The following CPN1 variants were observed in gnomAD, a reference collection of about 807,000 sequenced individuals.
CPN1 encodes carboxypeptidase N catalytic chain.
CPN1 carries 37 observed loss-of-function variants against 46.4 expected under a neutral mutation model. That is an observed-to-expected ratio of 0.80 (90% CI 0.61 to 1.05). The LOEUF (loss-of-function observed/expected upper bound fraction) is 1.05. Among genes scored for constraint, CPN1 ranks in the 50% least tolerant of loss-of-function variants. The pLI, the probability that CPN1 is intolerant of heterozygous loss-of-function variation, is 0.00. For synonymous variants in CPN1, 224 were observed against 235.4 expected (o/e 0.95, Z 0.44); for missense variants, 563 against 602.6 (o/e 0.93, Z 0.69).
At chr10:100,058,438 G>A (rs1223561818) in intron 5 of CPN1, among the ~76,000 whole-genome samples, 1 of 152,112 alleles carries the variant, frequency 6.6e-6, no homozygotes, top group Non-Finnish European at 1.5e-5. Flanking sequence ...AGAAGCAGAA[G>A]ACAGCTATAT....
At chr10:100,054,288 T>C (rs2041372591) in intron 7 of CPN1, 59 bp downstream of exon 7, 2 of 1,363,844 alleles carry the variant, frequency 1.5e-6, no homozygotes, top group South Asian at 2.3e-5. Context: ...CCCTTGATTA[T>C]GCTGAAGAAG....
At chr10:100,051,903 T>A (rs1322956000) in intron 7 of CPN1, among the ~76,000 whole-genome samples, 1 of 151,610 alleles carries the variant, frequency 6.6e-6, no homozygotes, top group Non-Finnish European at 1.5e-5. Flanking sequence ...TTAATATGTT[T>A]TGTTTTTATT....
At chr10:100,071,306 T>C (rs1413550527) in intron 2 of CPN1, among the ~76,000 whole-genome samples, 1 of 152,162 alleles carries the variant, frequency 6.6e-6, no homozygotes, top group African/African-American at 2.4e-5. Context: ...ATTTATTCTC[T>C]GGAGGCTAGA....
chr10:100,064,357 ATATAT>A (rs1411363325), intron 4 of CPN1, among the ~76,000 whole-genome samples: 47 of 148,690 alleles, frequency 3.2e-4, no homozygotes, highest in African/African-American at 1.0e-3. Context: ...AATTATATAG[ATATAT>A]TATATATTAA....
chr10:100,062,707 C>T (rs1413467329), intron 5 of CPN1, among the ~76,000 whole-genome samples: 1 of 151,506 alleles, frequency 6.6e-6, no homozygotes, highest in East Asian at 1.9e-4. Flanking sequence ...GATCCTCCCA[C>T]CTCAGCCTCC....
intron 8 of CPN1, among the ~76,000 whole-genome samples, chr10:100,043,147 G>A (rs1239898443): frequency 6.8e-6 from 1 of 147,920 alleles, no homozygotes; most frequent in Middle Eastern, 3.3e-3. Flanking sequence ...TGTAATCCTT[G>A]CACTTTAGGA....
intron 1 of CPN1, among the ~76,000 whole-genome samples, chr10:100,081,003 T>C (rs1438646694): frequency 1.3e-5 from 2 of 152,182 alleles, no homozygotes; most frequent in African/African-American, 4.8e-5. Context: ...CCTATACCCT[T>C]CTAAGTTTCC....
chr10:100,056,325 C>T lies in CPN1; in HGVS notation c.1011+688G>A, dbSNP rs541221427. 2.6e-5 allele frequency among the ~76,000 whole-genome samples: 4 copies of T among 152,238 alleles called. No homozygotes were observed. In the East Asian group the frequency reaches 7.7e-4, roughly 29 times the overall value. On this transcript the variant is annotated intron_variant, in intron 6 of 8. Coordinates refer to ENST00000370418, the MANE Select transcript of CPN1 (RefSeq NM_001308.3). ...CCATTTCAAGGAACCCTTTTGTCCC[C>T]TAGATATCTGCATGTTTCTGTCCCT... is the stretch of plus-strand genomic sequence containing the variant.
chr10:100,077,707 G>T (rs765891661), intron 1 of CPN1, among the ~76,000 whole-genome samples: 17 of 152,118 alleles, frequency 1.1e-4, no homozygotes, highest in Middle Eastern at 3.4e-3. Context: ...TTTCCATAGC[G>T]AGTATTCTTT....
chr10:100,077,392 G>C (rs1235079565), intron 1 of CPN1, among the ~76,000 whole-genome samples: 1 of 151,786 alleles, frequency 6.6e-6, no homozygotes, highest in Admixed American at 6.6e-5. Context: ...CACCACACTT[G>C]GCTGATTTTT....
chr10:100,056,788 G>A (rs2041386567), intron 6 of CPN1, among the ~76,000 whole-genome samples: 1 of 151,546 alleles, frequency 6.6e-6, no homozygotes, highest in Non-Finnish European at 1.5e-5. Context: ...CTGAGCCCAA[G>A]TGATCCTCCC....
intron 7 of CPN1, among the ~76,000 whole-genome samples, chr10:100,054,117 T>C (rs761514644): frequency 3.9e-5 from 6 of 152,218 alleles, no homozygotes; most frequent in Admixed American, 6.5e-5. Flanking sequence ...CTCTCAGGGA[T>C]TGCTTGCATC....
At chr10:100,061,744 A>G (rs565473557) in intron 5 of CPN1, among the ~76,000 whole-genome samples, 1 of 152,358 alleles carries the variant, frequency 6.6e-6, no homozygotes, top group East Asian at 1.9e-4. Context: ...GAAAAAGTAT[A>G]TTGGTTATTT....
chr10:100,054,123 G>A lies in CPN1; in HGVS notation c.1111+224C>T, dbSNP rs144489904. 2.9e-4 allele frequency among the ~76,000 whole-genome samples: 44 copies of A among 152,298 alleles called. No individual in the cohort carries two copies. The East Asian group carries it at 4.2e-3, about 15-fold the overall frequency. On this transcript the variant is annotated intron_variant, in intron 7 of 8. Coordinates refer to ENST00000370418, the MANE Select transcript of CPN1 (RefSeq NM_001308.3). ...GGTCCTGACCTCTCAGGGATTGCTTGCATCAGAAGCAAAAGATTTTCCATT... is the reference window on the plus strand; with the variant it reads ...GGTCCTGACCTCTCAGGGATTGCTTACATCAGAAGCAAAAGATTTTCCATT...
rs370836779 is a variant in CPN1 at position 100,075,922 on chromosome 10, C to A, written c.409G>T (p.Ala137Ser). The A allele has an allele frequency of 2.5e-6, 4 of 1,614,016 alleles. No homozygotes were observed. The highest frequency in any genetic ancestry group is 1.7e-5 in the Admixed American group (1 of 60,028). The change falls in exon 2 of 9, where the codon GCT becomes TCT. Residue 137 changes from alanine to serine, a missense_variant. Physicochemically the swap from Ala to Ser is moderately conservative, Grantham distance 99 (BLOSUM62 1). Transcript: ENST00000370418. Reference sequence around the variant, plus strand: ...CTTGGACCTCGTACCTGGGCAGCAGCCACCTCGTAGCCGTCGGGGTTCATG... The same window carrying A: ...CTTGGACCTCGTACCTGGGCAGCAGACACCTCGTAGCCGTCGGGGTTCATG... ...PSMNPDGYEVAAAQGPNKPGY... is the reference protein window; with the variant it reads ...PSMNPDGYEVSAAQGPNKPGY...
At chr10:100,071,802 T>C (rs1291463650) in intron 2 of CPN1, among the ~76,000 whole-genome samples, 1 of 152,228 alleles carries the variant, frequency 6.6e-6, no homozygotes, top group Non-Finnish European at 1.5e-5. Flanking sequence ...ATTTAAAGTA[T>C]ACAGGAGGAT....
At chr10:100,052,912 G>C (rs2041364066) in intron 7 of CPN1, among the ~76,000 whole-genome samples, 1 of 152,014 alleles carries the variant, frequency 6.6e-6, no homozygotes, top group Admixed American at 6.6e-5. Context: ...CAGAAGAATT[G>C]CTTGAGTTTG....
chr10:100,046,989 G>T (rs1286530797), intron 8 of CPN1, among the ~76,000 whole-genome samples: 1 of 151,724 alleles, frequency 6.6e-6, no homozygotes, highest in Non-Finnish European at 1.5e-5. Context: ...CAGGAGAATT[G>T]CTTGAACCCA....
intron 7 of CPN1, among the ~76,000 whole-genome samples, chr10:100,052,441 T>C (rs2041360932): frequency 6.6e-6 from 1 of 152,124 alleles, no homozygotes; most frequent in Admixed American, 6.5e-5. Flanking sequence ...GGTCTTGAGC[T>C]CCTGACCTCA....
Sources: allele counts gnomAD v4.1 joint callset (sites outside exome capture counted in the v4.1 genomes callset), GRCh38; gene constraint gnomAD v4.1.1; transcripts MANE v1.5; gene names NCBI Gene and HGNC (gene_info 2026-07-23, HGNC 2026-07-21).